The following PCMT1 variants were observed in gnomAD, a reference collection of about 807,000 sequenced individuals.
PCMT1 encodes the protein protein-L-isoaspartate(D-aspartate) O-methyltransferase.
In PCMT1, 9 loss-of-function variants were observed where a neutral mutation model predicts 29.2. That is an observed-to-expected ratio of 0.31 (90% CI 0.19 to 0.54). The LOEUF is 0.54. Among genes scored for constraint, PCMT1 ranks in the 20% least tolerant of loss-of-function variants. The pLI is 0.95. For synonymous variants in PCMT1, 98 were observed against 97.5 expected (o/e 1.00, Z -0.03); for missense variants, 184 against 282.2 (o/e 0.65, Z 2.49).
intron 3 of PCMT1, among the ~76,000 whole-genome samples, chr6:149,783,108 G>A (rs909828851): frequency 6.6e-5 from 10 of 152,064 alleles, no homozygotes; most frequent in Non-Finnish European, 1.5e-4. Flanking sequence ...AAATACTCAT[G>A]TAGTCTCAAA....
intron 3 of PCMT1, among the ~76,000 whole-genome samples, chr6:149,777,563 G>C (rs1013322176): frequency 1.3e-5 from 2 of 152,126 alleles, no homozygotes; most frequent in Admixed American, 1.3e-4. Flanking sequence ...GAATGAAACA[G>C]TATAAAAGTT....
chr6:149,755,713 T>G (rs1786479568), intron 1 of PCMT1, among the ~76,000 whole-genome samples: 1 of 152,230 alleles, frequency 6.6e-6, no homozygotes, highest in South Asian at 2.1e-4. Flanking sequence ...AGCTGATATT[T>G]TAGTGCTTTC....
At chr6:149,783,385 C>T (rs951099755) in intron 3 of PCMT1, among the ~76,000 whole-genome samples, 9 of 152,108 alleles carry the variant, frequency 5.9e-5, no homozygotes, top group Non-Finnish European at 1.3e-4. Context: ...CCCACCTCAG[C>T]CTCCCAAAGT....
At chr6:149,795,517 T>C in intron 5 of PCMT1, 1 of 441,440 alleles carries the variant, frequency 2.3e-6, no homozygotes, top group Non-Finnish European at 4.3e-6. Context: ...CACAGCCAAA[T>C]ACAGTGTTGG....
At position 149,809,100 on chromosome 6, in the gene PCMT1, CA is replaced by C. The variant is rs930296981; in HGVS notation, c.*38-1508del. 2.4e-4 allele frequency among the ~76,000 whole-genome samples: 35 copies of C among 148,580 alleles called. No individual in the cohort carries two copies. The East Asian group carries it at 6.7e-3, about 28-fold the overall frequency. The stretch of plus-strand genomic sequence containing the variant: ...TGAAACCCTGTCTCTACTAATAATA[CA>C]AAAAAAATTTAGCCGGGTATGGTGG... On this transcript the variant is annotated intron_variant, in intron 7 of 7. Coordinates refer to ENST00000464889, the MANE Select transcript of PCMT1 (RefSeq NM_001360452.2).
chr6:149,795,292 C>T (rs529947313), intron 5 of PCMT1: 8 of 395,952 alleles, frequency 2.0e-5, no homozygotes, highest in African/African-American at 1.5e-4. Context: ...TCCTTGTTCT[C>T]CAAAAGCCTC....
chr6:149,787,209 G>C (rs1032601868), intron 3 of PCMT1, among the ~76,000 whole-genome samples: 5 of 146,322 alleles, frequency 3.4e-5, no homozygotes, highest in Admixed American at 1.4e-4. Context: ...GGAGATTGCA[G>C]TGAGTTGAGA....
chr6:149,765,177 G>A (rs1426912547), intron 1 of PCMT1, among the ~76,000 whole-genome samples: 16 of 147,366 alleles, frequency 1.1e-4, no homozygotes, highest in Admixed American at 6.1e-4. Context: ...TGGCTAACAC[G>A]GTGAAACCCC....
intron 3 of PCMT1, among the ~76,000 whole-genome samples, chr6:149,781,322 G>A (rs1787806376): frequency 6.6e-6 from 1 of 151,364 alleles, no homozygotes; most frequent in Non-Finnish European, 1.5e-5. Flanking sequence ...CGCCTCCCAG[G>A]TTCAAGCAAT....
intron 1 of PCMT1, among the ~76,000 whole-genome samples, chr6:149,766,987 G>A (rs1413163679): frequency 6.6e-6 from 1 of 152,056 alleles, no homozygotes; most frequent in Non-Finnish European, 1.5e-5. Context: ...GAGGTGGGTG[G>A]ATCACGAGGT....
intron 3 of PCMT1, among the ~76,000 whole-genome samples, chr6:149,785,819 A>G (rs1788015428): frequency 6.6e-6 from 1 of 152,164 alleles, no homozygotes; most frequent in African/African-American, 2.4e-5. Flanking sequence ...TTCTACACAG[A>G]CACGGCAACC....
intron 1 of PCMT1, among the ~76,000 whole-genome samples, chr6:149,750,543 C>A (rs1013858031): frequency 6.6e-5 from 10 of 152,114 alleles, no homozygotes; most frequent in African/African-American, 2.4e-4. Context: ...AGAAATTTCT[C>A]GGGCGGCTGT....
intron 2 of PCMT1, chr6:149,772,005 T>C (rs2115253625): frequency 2.2e-6 from 1 of 456,736 alleles, no homozygotes; most frequent in East Asian, 6.9e-5. Flanking sequence ...GGCTTGTGTT[T>C]GTTTTTAGAA....
intron 3 of PCMT1, among the ~76,000 whole-genome samples, chr6:149,786,716 G>T (rs1221198554): frequency 6.6e-6 from 1 of 151,536 alleles, no homozygotes; most frequent in Non-Finnish European, 1.5e-5. Flanking sequence ...CATCCCAGAC[G>T]GGGCGGCGGG....
intron 3 of PCMT1, among the ~76,000 whole-genome samples, chr6:149,782,282 T>C (rs879222590): frequency 6.6e-6 from 1 of 152,148 alleles, no homozygotes; most frequent in Non-Finnish European, 1.5e-5. Context: ...TCTTGAATCA[T>C]TTATTGCATA....
At chr6:149,767,309 C>T (rs1787129354) in intron 1 of PCMT1, among the ~76,000 whole-genome samples, 2 of 151,572 alleles carry the variant, frequency 1.3e-5, no homozygotes, top group Non-Finnish European at 2.9e-5. Context: ...ATCCTCCTAC[C>T]TTGGCCTCCC....
chr6:149,799,275 CTG>C (rs1313959169), intron 6 of PCMT1: 3 of 152,122 alleles, frequency 2.0e-5, no homozygotes, highest in African/African-American at 7.2e-5. Flanking sequence ...GATTGCACCA[CTG>C]TATTCCAGCC....
At chr6:149,785,635 T>C (rs1420846153) in intron 3 of PCMT1, among the ~76,000 whole-genome samples, 4 of 152,236 alleles carry the variant, frequency 2.6e-5, no homozygotes, top group Middle Eastern at 6.8e-3. Flanking sequence ...CCTTCAAGCA[T>C]CTGTTTAACA....
intron 1 of PCMT1, among the ~76,000 whole-genome samples, chr6:149,758,208 C>CCTTCTTTTTTTTTTTT (rs1786590864): frequency 2.7e-5 from 2 of 73,914 alleles, no homozygotes; most frequent in African/African-American, 1.1e-4. Flanking sequence ...TTCTTTCTTT[C>CCTTCTTTTTTTTTTTT]TTTTTTTTTT....
Sources: gnomAD v4.1 joint callset for allele counts (sites outside exome capture counted in the v4.1 genomes callset) on GRCh38, gnomAD v4.1.1 for gene constraint, MANE v1.5 for transcripts, NCBI Gene and HGNC (gene_info 2026-07-23, HGNC 2026-07-21) for gene names.